TMEM132D: variants seen among roughly 807,000 people sequenced by gnomAD.
TMEM132D encodes transmembrane protein 132D, also known as mature OL transmembrane protein.
In TMEM132D, 21 loss-of-function variants were observed where a neutral mutation model predicts 62.3. The observed-to-expected ratio is 0.34, with a 90% CI of 0.24 to 0.49. TMEM132D has a LOEUF of 0.49. Among genes scored for constraint, TMEM132D ranks in the 20% least tolerant of loss-of-function variants. The pLI is 0.99. For synonymous variants in TMEM132D, 621 were observed against 575.6 expected (o/e 1.08, Z -1.13); for missense variants, 1,346 against 1,402.8 (o/e 0.96, Z 0.65).
intron 4 of TMEM132D, among the ~76,000 whole-genome samples, chr12:129,233,378 C>T (rs956499920): frequency 2.6e-5 from 4 of 152,102 alleles, no homozygotes; most frequent in African/African-American, 9.7e-5. Flanking sequence ...TATATTCAAG[C>T]CCCTCAAATG....
chr12:129,695,234 A>AG (rs1335584642), intron 2 of TMEM132D, among the ~76,000 whole-genome samples: 3 of 152,204 alleles, frequency 2.0e-5, no homozygotes, highest in Non-Finnish European at 2.9e-5. Flanking sequence ...GGGACAGCCA[A>AG]GGGGGGCAGC....
chr12:129,301,503 G>A (rs1454078873), intron 4 of TMEM132D, among the ~76,000 whole-genome samples: 1 of 151,766 alleles, frequency 6.6e-6, no homozygotes, highest in Non-Finnish European at 1.5e-5. Context: ...TTCCTCATGC[G>A]ACCTGCTTCA....
intron 3 of TMEM132D, among the ~76,000 whole-genome samples, chr12:129,369,637 G>A (rs146992493): frequency 5.6e-4 from 85 of 152,288 alleles, no homozygotes; most frequent in Non-Finnish European, 8.1e-4. Flanking sequence ...GGCTGTTTGG[G>A]GCAGATTTAA....
chr12:129,369,258 C>T (rs3843943), intron 3 of TMEM132D, among the ~76,000 whole-genome samples: 9,581 of 152,222 alleles, frequency 0.063, 687 homozygotes, highest in East Asian at 0.34. Context: ...GGGAAAATAA[C>T]GTGTGTCTTC....
At chr12:129,546,132 T>C (rs1018132565) in intron 2 of TMEM132D, among the ~76,000 whole-genome samples, 2 of 152,176 alleles carry the variant, frequency 1.3e-5, no homozygotes, top group Admixed American at 1.3e-4. Context: ...CCTCAAAGTC[T>C]GGTTAAGACT....
At chr12:129,823,695 A>G (rs1872591837) in intron 1 of TMEM132D, among the ~76,000 whole-genome samples, 1 of 152,234 alleles carries the variant, frequency 6.6e-6, no homozygotes, top group Non-Finnish European at 1.5e-5. Flanking sequence ...GTGGAGAGGA[A>G]GGAGGTAGAG....
intron 2 of TMEM132D, among the ~76,000 whole-genome samples, chr12:129,599,073 C>T (rs1010948540): frequency 6.6e-6 from 1 of 152,074 alleles, no homozygotes; most frequent in Admixed American, 6.6e-5. Context: ...TTTCTGGCAG[C>T]CAAATTTCCA....
chr12:129,695,246 G>T (rs1324241974), intron 2 of TMEM132D, among the ~76,000 whole-genome samples: 1 of 152,144 alleles, frequency 6.6e-6, no homozygotes, highest in African/African-American at 2.4e-5. Flanking sequence ...GGGGGCAGCA[G>T]ATAAAAACTA....
chr12:129,782,889 T>TC (rs1225083718), intron 1 of TMEM132D, among the ~76,000 whole-genome samples: 1 of 152,260 alleles, frequency 6.6e-6, no homozygotes, highest in Non-Finnish European at 1.5e-5. Context: ...ACACTTTTTT[T>TC]CCTTCTCAAT....
intron 1 of TMEM132D, among the ~76,000 whole-genome samples, chr12:129,873,273 G>A (rs1054725652): frequency 2.6e-5 from 4 of 152,078 alleles, no homozygotes; most frequent in South Asian, 4.1e-4. Context: ...GGGGGCCTCC[G>A]AACAGATGCA....
intron 2 of TMEM132D, among the ~76,000 whole-genome samples, chr12:129,640,771 A>G (rs1052513631): frequency 2.0e-5 from 3 of 152,168 alleles, no homozygotes; most frequent in African/African-American, 7.2e-5. Context: ...GTGATGGGTG[A>G]GTGAGTGAAG....
intron 2 of TMEM132D, among the ~76,000 whole-genome samples, chr12:129,549,495 C>T (rs12227229): frequency 0.19 from 29,340 of 152,138 alleles, 3,256 homozygotes; most frequent in East Asian, 0.42. Context: ...ACCCCTTTGG[C>T]TTGGTTCTCA....
chr12:129,348,841 G>A (rs1368304316), intron 3 of TMEM132D, among the ~76,000 whole-genome samples: 1 of 152,114 alleles, frequency 6.6e-6, no homozygotes, highest in South Asian at 2.1e-4. Flanking sequence ...GAGTGACGGG[G>A]CCCGAGACCT....
At chr12:129,760,950 T>C (rs1326517113) in intron 1 of TMEM132D, among the ~76,000 whole-genome samples, 1 of 152,040 alleles carries the variant, frequency 6.6e-6, no homozygotes. Flanking sequence ...CTGAGAATGA[T>C]GGTTTCCAGC....
At chr12:129,816,566 A>G (rs1872350729) in intron 1 of TMEM132D, among the ~76,000 whole-genome samples, 1 of 152,250 alleles carries the variant, frequency 6.6e-6, no homozygotes, top group African/African-American at 2.4e-5. Flanking sequence ...GAAAAGTCAA[A>G]ATAAAACAGC....
At chr12:129,417,422 C>T (rs1271282041) in intron 3 of TMEM132D, among the ~76,000 whole-genome samples, 1 of 152,128 alleles carries the variant, frequency 6.6e-6, no homozygotes, top group Admixed American at 6.5e-5. Flanking sequence ...TGATCTTTGA[C>T]AAATCTGACA....
intron 2 of TMEM132D, among the ~76,000 whole-genome samples, chr12:129,614,830 G>A (rs1878872182): frequency 6.6e-6 from 1 of 152,144 alleles, no homozygotes; most frequent in South Asian, 2.1e-4. Flanking sequence ...GATTTCATGT[G>A]ATACATCTTG....
chr12:129,877,049 G>A (rs111800402), intron 1 of TMEM132D, among the ~76,000 whole-genome samples: 8 of 152,112 alleles, frequency 5.3e-5, no homozygotes, highest in South Asian at 2.1e-4. Context: ...ACTTCTATCC[G>A]TGAAGAAGAG....
chr12:129,524,917 TTTC>T (rs1386900535), intron 3 of TMEM132D, among the ~76,000 whole-genome samples: 1 of 90,060 alleles, frequency 1.1e-5, no homozygotes, highest in Non-Finnish European at 2.1e-5. Context: ...TTCATATTTT[TTTC>T]TTTTTTCTTT....
Sources: gnomAD v4.1 joint callset for allele counts (sites outside exome capture counted in the v4.1 genomes callset) on GRCh38, gnomAD v4.1.1 for gene constraint, MANE v1.5 for transcripts, NCBI Gene and HGNC (gene_info 2026-07-23, HGNC 2026-07-21) for gene names.